Variants in NPW observed in about 807,000 individuals in gnomAD.
NPW encodes the protein prepro-neuropeptide W.
NPW carries 8 observed loss-of-function variants against 9.9 expected under a neutral mutation model. The ratio of observed to expected loss-of-function variants is 0.81; its 90% CI spans 0.47 to 1.46. NPW has a LOEUF of 1.46. Ranked by LOEUF, NPW falls within the 40% of genes most tolerant of loss-of-function variation. The pLI is 0.00. For synonymous variants in NPW, 134 were observed against 119.9 expected (o/e 1.12, Z -0.77); for missense variants, 287 against 240.3 (o/e 1.19, Z -1.28).
Position 2,020,307 on chromosome 16 carries a change from G to A in NPW, c.406G>A (p.Gly136Ser). The change falls in exon 1 of 2, where the codon GGC becomes AGC. Residue 136 changes from glycine to serine, a missense_variant. By Grantham distance (56) the Gly-to-Ser change is moderately conservative (BLOSUM62 0). Transcript: ENST00000566435. ...GGAGTCCCTGGACTTCAGCGGAGCT[G>A]GCCAGGTACGTGAGAGGGGAGAGGC... 6.7e-7 allele frequency: 1 copy of A among 1,496,248 alleles called. No homozygotes were observed. The highest frequency in any genetic ancestry group is 8.9e-7 in the Non-Finnish European group (1 of 1,120,666). 92.7% of individuals were successfully genotyped at this position (1,496,248 alleles called of 1,614,324 possible).
chr16:2,020,357 C>G, intron 1 of NPW, 45 bp downstream of exon 1: 1 of 1,425,244 alleles, frequency 7.0e-7, no homozygotes, highest in Non-Finnish European at 9.4e-7. Flanking sequence ...GCAAGGGGGT[C>G]TCGGGAGGTC....
chr16:2,020,397 G>A lies in NPW; in HGVS notation c.411+85G>A. The A allele has an allele frequency of 2.3e-6, 3 of 1,325,230 alleles. 1 individual carries two copies. Among genetic ancestry groups the A allele is most frequent in the Non-Finnish European group, 3.1e-6 (3 of 975,024 alleles). 82.1% of individuals were successfully genotyped at this position (1,325,230 alleles called of 1,614,324 possible). A position where few individuals can be genotyped will look rare whatever the true frequency, so the allele number is the denominator to read the frequency against. The stretch of plus-strand genomic sequence containing the variant: ...CCGGAGCACGGAGCCGCGCGTTCAG[G>A]GGGCACCCTCGGGCCCTTCCATTCC... On this transcript the variant is annotated intron_variant, in intron 1 of 1. Transcript: ENST00000566435.
chr16:2,019,965 C>T lies in NPW; in HGVS notation c.64C>T (p.Leu22Phe), dbSNP rs1027444006. 91 of 1,426,464 alleles carry T rather than the reference C, an allele frequency of 6.4e-5. No homozygotes were observed. Among genetic ancestry groups the T allele is most frequent in the African/African-American group, 1.0e-4 (7 of 67,392 alleles). The allele number at this position is 1,426,464 out of a possible 1,614,324, so 88.4% of individuals were successfully genotyped here. A position where few individuals can be genotyped will look rare whatever the true frequency, so the allele number is the denominator to read the frequency against. ...CCGGCCGCGGCTGGCACTGCTGCTG[C>T]TTCTGCTCCTGCTGCCGCTGCCCTC... The change falls in exon 1 of 2, where the codon CTT becomes TTT. Residue 22 changes from leucine (L) to phenylalanine (F), a missense_variant. Coordinates refer to ENST00000566435, the MANE Select transcript of NPW (RefSeq NM_001099456.3).
rs1305274911 is a variant in NPW at position 2,020,565 on chromosome 16, G to A, written c.444G>A (p.Val148=). ...GGAGAGACGTCTCCCGCCCAGCGGT[G>A]GACCCCGCAGCAAACCGCCTTGGCC... is the stretch of plus-strand genomic sequence containing the variant. Residue 148 remains valine (V), a synonymous_variant, in exon 2 of 2, where the codon GTG becomes GTA. Transcript: ENST00000566435. 10 of 1,609,968 alleles carry A rather than the reference G, an allele frequency of 6.2e-6. No homozygotes were observed. Among genetic ancestry groups the A allele is most frequent in the Non-Finnish European group, 8.5e-6 (10 of 1,178,040 alleles).
At position 2,020,106 on chromosome 16, in the gene NPW, G is replaced by T; in HGVS notation, c.205G>T (p.Ala69Ser). 2.0e-6 allele frequency: 3 copies of T among 1,508,920 alleles called. No individual in the cohort carries two copies. Among genetic ancestry groups the T allele is most frequent in the South Asian group, 1.2e-5 (1 of 80,916 alleles). The allele number at this position is 1,508,920 out of a possible 1,614,324, so 93.5% of individuals were successfully genotyped here. The change falls in exon 1 of 2, where the codon GCC becomes TCC. Residue 69 changes from alanine to serine, a missense_variant. By Grantham distance (99) the Ala-to-Ser change is moderately conservative (BLOSUM62 1). Coordinates refer to ENST00000566435, the MANE Select transcript of NPW (RefSeq NM_001099456.3). ...TCTGTGGCGCCGCGCGCTGCGCGCG[G>T]CCGCCGGGCCCCTGGCCAGGGACAC...
rs1162547261 is a variant in NPW at position 2,019,961 on chromosome 16, G to GCTGCTTCTGCTC, written c.66_77dup (p.Leu23_Leu26dup). On this transcript the variant is annotated inframe_insertion, in exon 1 of 2. Transcript: ENST00000566435. ...CGAGCCGGCCGCGGCTGGCACTGCT[G>GCTGCTTCTGCTC]CTGCTTCTGCTCCTGCTGCCGCTGC... 5.7e-6 allele frequency: 8 copies of GCTGCTTCTGCTC among 1,412,508 alleles called. No homozygotes were observed. The highest frequency in any genetic ancestry group is 7.4e-6 in the Non-Finnish European group (8 of 1,081,386). 87.5% of individuals were successfully genotyped at this position (1,412,508 alleles called of 1,614,324 possible).
In NPW at chr16:2,020,650, G is replaced by T. The variant is rs762581805; in HGVS notation, c.*31G>T. ...TCCCCCGCCCGCCCGTGGCGCCTCCGCGCCTGACCCAGGAGGAGTGGCCGC... is the reference window on the plus strand; with the variant it reads ...TCCCCCGCCCGCCCGTGGCGCCTCCTCGCCTGACCCAGGAGGAGTGGCCGC... On this transcript the variant is annotated 3_prime_UTR_variant, in exon 2 of 2. Coordinates refer to ENST00000566435, the MANE Select transcript of NPW (RefSeq NM_001099456.3). 5 of 1,439,206 alleles carry T rather than the reference G, an allele frequency of 3.5e-6. No homozygotes were observed. The East Asian group carries it at 1.2e-4, about 34-fold the overall frequency. The allele number at this position is 1,439,206 out of a possible 1,614,324, so 89.2% of individuals were successfully genotyped here. A position where few individuals can be genotyped will look rare whatever the true frequency, so the allele number is the denominator to read the frequency against.
rs766023341 is a variant in NPW, at chr16:2,020,234, C to T, written c.333C>T (p.Pro111=). The change falls in exon 1 of 2, where the codon CCC becomes CCT. Residue 111 remains proline (P), a synonymous_variant. Coordinates refer to ENST00000566435, the MANE Select transcript of NPW (RefSeq NM_001099456.3). ...GCAGGAGCTCCCAGGCAGGGATCCC[C>T]GTCCGTGCGCCCCGGAGCCCGCGCG... The T allele has an allele frequency of 4.4e-6, 7 of 1,576,170 alleles. No individual in the cohort carries two copies. Among genetic ancestry groups the T allele is most frequent in the Middle Eastern group, 2.1e-4 (1 of 4,822 alleles).
Position 2,019,794 on chromosome 16 carries a change from C to T in NPW, c.-108C>T. ...CCTGCAGGGGACCCACGGCTCGCCTCCAGCCTCCTGCGCTCCGGTACCTGG... is the reference window on the plus strand; with the variant it reads ...CCTGCAGGGGACCCACGGCTCGCCTTCAGCCTCCTGCGCTCCGGTACCTGG... On this transcript the variant is annotated 5_prime_UTR_variant, in exon 1 of 2. Transcript: ENST00000566435. 8.4e-7 allele frequency: 1 copy of T among 1,191,858 alleles called. No individual in the cohort carries two copies. Among genetic ancestry groups the T allele is most frequent in the Non-Finnish European group, 1.0e-6 (1 of 962,562 alleles). 73.8% of individuals were successfully genotyped at this position (1,191,858 alleles called of 1,614,324 possible). A position where few individuals can be genotyped will look rare whatever the true frequency, so the allele number is the denominator to read the frequency against.
chr16:2,020,725 A>C lies in NPW; in HGVS notation c.*106A>C. The stretch of plus-strand genomic sequence containing the variant: ...CCCCGCCTGCCGTCCGGTCAATAAA[A>C]TCCGCCTGACTCCTGCGCCCCCGCA... On this transcript the variant is annotated 3_prime_UTR_variant, in exon 2 of 2. Transcript: ENST00000566435. 1.5e-6 allele frequency: 1 copy of C among 652,490 alleles called. No homozygotes were observed. The highest frequency in any genetic ancestry group is 2.6e-6 in the Non-Finnish European group (1 of 385,560). The allele number at this position is 652,490 out of a possible 1,614,324, so 40.4% of individuals were successfully genotyped here. A position where few individuals can be genotyped will look rare whatever the true frequency, so the allele number is the denominator to read the frequency against.
Position 2,020,059 on chromosome 16 carries a change from T to G in NPW, c.158T>G (p.Met53Arg). 6.7e-7 allele frequency: 1 copy of G among 1,499,356 alleles called. No individual in the cohort carries two copies. The highest frequency in any genetic ancestry group is 8.8e-7 in the Non-Finnish European group (1 of 1,130,812). 92.9% of individuals were successfully genotyped at this position (1,499,356 alleles called of 1,614,324 possible). A position where few individuals can be genotyped will look rare whatever the true frequency, so the allele number is the denominator to read the frequency against. The change falls in exon 1 of 2, where the codon ATG becomes AGG. Residue 53 changes from methionine (M) to arginine (R), a missense_variant. Physicochemically the swap from Met to Arg is moderately conservative, Grantham distance 91. Coordinates refer to ENST00000566435, the MANE Select transcript of NPW (RefSeq NM_001099456.3). ...GTGGGCCGCGCCGCTGGCCTGCTCA[T>G]GGGGCTGCGTCGCTCACCCTATCTG...
Position 2,020,645 on chromosome 16 carries a change from C to CGGAGG in NPW, c.*26_*27insGGAGG. 6.8e-7 allele frequency: 1 copy of CGGAGG among 1,478,520 alleles called. No homozygotes were observed. Among genetic ancestry groups the CGGAGG allele is most frequent in the Non-Finnish European group, 9.3e-7 (1 of 1,069,544 alleles). The allele number at this position is 1,478,520 out of a possible 1,614,324, so 91.6% of individuals were successfully genotyped here. A position where few individuals can be genotyped will look rare whatever the true frequency, so the allele number is the denominator to read the frequency against. On this transcript the variant is annotated 3_prime_UTR_variant, in exon 2 of 2. Coordinates refer to ENST00000566435, the MANE Select transcript of NPW (RefSeq NM_001099456.3). ...CAGCGTCCCCCGCCCGCCCGTGGCG[C>CGGAGG]CTCCGCGCCTGACCCAGGAGGAGTG...
At position 2,020,062 on chromosome 16, in the gene NPW, G is replaced by C. The variant is rs2083827967; in HGVS notation, c.161G>C (p.Gly54Ala). 6 of 1,503,616 alleles carry C rather than the reference G, an allele frequency of 4.0e-6. No individual in the cohort carries two copies. The highest frequency in any genetic ancestry group is 4.4e-6 in the Non-Finnish European group (5 of 1,132,698). The allele number at this position is 1,503,616 out of a possible 1,614,324, so 93.1% of individuals were successfully genotyped here. The change falls in exon 1 of 2, where the codon GGG becomes GCG. Residue 54 changes from glycine (G) to alanine (A), a missense_variant. Gly to Ala is a moderately conservative substitution (Grantham distance 60, BLOSUM62 0). Transcript: ENST00000566435. ...GGCCGCGCCGCTGGCCTGCTCATGG[G>C]GCTGCGTCGCTCACCCTATCTGTGG...
rs2083833840 is a variant in NPW, at chr16:2,020,646, C to T, written c.*27C>T. On this transcript the variant is annotated 3_prime_UTR_variant, in exon 2 of 2. Transcript: ENST00000566435. ...AGCGTCCCCCGCCCGCCCGTGGCGC[C>T]TCCGCGCCTGACCCAGGAGGAGTGG... is the stretch of plus-strand genomic sequence containing the variant. 2.0e-6 allele frequency: 3 copies of T among 1,476,488 alleles called. No homozygotes were observed. Among genetic ancestry groups the T allele is most frequent in the African/African-American group, 1.4e-5 (1 of 69,322 alleles). 91.5% of individuals were successfully genotyped at this position (1,476,488 alleles called of 1,614,324 possible). A position where few individuals can be genotyped will look rare whatever the true frequency, so the allele number is the denominator to read the frequency against.
chr16:2,020,714 C>G lies in NPW; in HGVS notation c.*95C>G. On this transcript the variant is annotated 3_prime_UTR_variant, in exon 2 of 2. Coordinates refer to ENST00000566435, the MANE Select transcript of NPW (RefSeq NM_001099456.3). ...CCGCTCATAGACCCCGCCTGCCGTCCGGTCAATAAAATCCGCCTGACTCCT... is the reference window on the plus strand; with the variant it reads ...CCGCTCATAGACCCCGCCTGCCGTCGGGTCAATAAAATCCGCCTGACTCCT... 1 of 706,414 alleles carries G rather than the reference C, an allele frequency of 1.4e-6. No individual in the cohort carries two copies. The highest frequency in any genetic ancestry group is 2.3e-6 in the Non-Finnish European group (1 of 429,332). 43.8% of individuals were successfully genotyped at this position (706,414 alleles called of 1,614,324 possible). A position where few individuals can be genotyped will look rare whatever the true frequency, so the allele number is the denominator to read the frequency against.
chr16:2,020,474 G>A (rs2150916918), intron 1 of NPW, 59 bp from the exon 2 acceptor site: 1 of 1,381,536 alleles, frequency 7.2e-7, no homozygotes, highest in South Asian at 1.2e-5. Context: ...CCTGGCACCC[G>A]GGGGCGGTGG....
At chr16:2,020,407 CG>C (rs2083831639) in intron 1 of NPW, 95 bp downstream of exon 1, 1 of 1,284,412 alleles carries the variant, frequency 7.8e-7, no homozygotes, top group Non-Finnish European at 1.1e-6. Flanking sequence ...GGGGCACCCT[CG>C]GGCCCTTCCA....
rs1184816005 is a variant in NPW at position 2,020,544 on chromosome 16, A to G, written c.423A>G (p.Arg141=). Residue 141 remains arginine (R), a synonymous_variant, in exon 2 of 2, where the codon AGA becomes AGG. Transcript: ENST00000566435. ...TGTGTTCTCGTTAGAGACTTCGGAG[A>G]GACGTCTCCCGCCCAGCGGTGGACC... 1.2e-6 allele frequency: 2 copies of G among 1,607,390 alleles called. No individual in the cohort carries two copies. Among genetic ancestry groups the G allele is most frequent in the Non-Finnish European group, 1.7e-6 (2 of 1,175,804 alleles).
At position 2,020,585 on chromosome 16, in the gene NPW, T is replaced by C. The variant is rs1450238214; in HGVS notation, c.464T>C (p.Leu155Pro). The change falls in exon 2 of 2, where the codon CTT (leucine) becomes CCT (proline). Residue 155 changes from leucine to proline, a missense_variant. Coordinates refer to ENST00000566435, the MANE Select transcript of NPW (RefSeq NM_001099456.3). ...GCGGTGGACCCCGCAGCAAACCGCC[T>C]TGGCCTGCCCTGCCTGGCCCCCGGA... 1.2e-6 allele frequency: 2 copies of C among 1,608,770 alleles called. No individual in the cohort carries two copies. The highest frequency in any genetic ancestry group is 1.7e-6 in the Non-Finnish European group (2 of 1,177,446).
Sources: gnomAD v4.1 joint callset for allele counts on GRCh38, gnomAD v4.1.1 for gene constraint, MANE v1.5 for transcripts, NCBI Gene and HGNC (gene_info 2026-07-23, HGNC 2026-07-21) for gene names.